The following PAN3 variants were observed in gnomAD, a reference collection of about 807,000 sequenced individuals.
PAN3 encodes the protein poly(A) specific ribonuclease subunit PAN3, also known as PAN2-PAN3 deadenylation complex subunit PAN3.
A neutral mutation model predicts 96.2 loss-of-function variants in PAN3; 19 were observed. The observed-to-expected ratio is 0.20, with a 90% CI of 0.14 to 0.29. The LOEUF is 0.29. Among genes scored for constraint, PAN3 ranks in the 10% least tolerant of loss-of-function variants. PAN3 has a pLI of 1.00. For synonymous variants in PAN3, 433 were observed against 406.6 expected, an observed-to-expected ratio of 1.06 and a Z score of -0.78; for missense variants, 882 against 1,108.1, an observed-to-expected ratio of 0.80 and a Z score of 2.90.
chr13:28,141,195 G>C (rs1009545020), intron 1 of PAN3, among the ~76,000 whole-genome samples: 4 of 151,704 alleles, frequency 2.6e-5, no homozygotes, highest in African/African-American at 9.7e-5. Flanking sequence ...AGTAGAGACG[G>C]GGTTTCGCCA....
chr13:28,159,986 A>G (rs1872703321), intron 1 of PAN3, among the ~76,000 whole-genome samples: 1 of 151,518 alleles, frequency 6.6e-6, no homozygotes, highest in African/African-American at 2.4e-5. Context: ...TCACCCAGCT[A>G]GAGTGCAGTA....
intron 6 of PAN3, among the ~76,000 whole-genome samples, chr13:28,235,682 T>TACACACACACACACACACACACACAC (rs143752644): frequency 5.7e-5 from 7 of 123,494 alleles, no homozygotes; most frequent in African/African-American, 2.1e-4. Context: ...TTCTCTAATA[T>TACACACACACACACACACACACACAC]ACACACACAC....
chr13:28,235,704 C>CAT (rs949741089), intron 6 of PAN3, among the ~76,000 whole-genome samples: 1 of 149,922 alleles, frequency 6.7e-6, no homozygotes, highest in Non-Finnish European at 1.5e-5. Context: ...CATACACACA[C>CAT]ACACACACAC....
intron 4 of PAN3, among the ~76,000 whole-genome samples, chr13:28,179,394 C>CGGAA (rs1473316991): frequency 6.6e-6 from 1 of 152,126 alleles, no homozygotes; most frequent in African/African-American, 2.4e-5. Flanking sequence ...TAGGTATTCC[C>CGGAA]TAATCACTTT....
intron 1 of PAN3, among the ~76,000 whole-genome samples, chr13:28,166,809 C>T (rs1444715061): frequency 6.6e-6 from 1 of 152,206 alleles, no homozygotes; most frequent in African/African-American, 2.4e-5. Context: ...TGAGCTGCAC[C>T]TGGCTGCACT....
intron 15 of PAN3, among the ~76,000 whole-genome samples, chr13:28,278,237 G>A (rs1887212214): frequency 6.6e-6 from 1 of 152,198 alleles, no homozygotes; most frequent in Non-Finnish European, 1.5e-5. Context: ...CCTGTTCTTT[G>A]TTACACTGGC....
intron 4 of PAN3, among the ~76,000 whole-genome samples, chr13:28,183,788 G>A (rs1247699185): frequency 1.3e-5 from 2 of 152,088 alleles, no homozygotes; most frequent in African/African-American, 4.8e-5. Context: ...AAACCTTTTT[G>A]TTTCTTCATT....
chr13:28,286,557 C>A (rs955602999), intron 17 of PAN3, among the ~76,000 whole-genome samples: 1 of 152,096 alleles, frequency 6.6e-6, no homozygotes, highest in African/African-American at 2.4e-5. Flanking sequence ...CTGTGGGCAC[C>A]CTCTTCCCAC....
At chr13:28,151,021 A>G (rs568112523) in intron 1 of PAN3, among the ~76,000 whole-genome samples, 159 of 152,320 alleles carry the variant, frequency 1.0e-3, no homozygotes, top group African/African-American at 3.6e-3. Context: ...AGAATGAAAT[A>G]GGGATATCAA....
At chr13:28,235,604 A>C (rs1375151030) in intron 6 of PAN3, among the ~76,000 whole-genome samples, 2 of 151,828 alleles carry the variant, frequency 1.3e-5, no homozygotes, top group Middle Eastern at 6.3e-3. Flanking sequence ...TCTGGTCATT[A>C]TAGTATCTCC....
At chr13:28,220,436 A>C in intron 6 of PAN3, 58 bp downstream of exon 6, 1 of 1,530,964 alleles carries the variant, frequency 6.5e-7, no homozygotes, top group East Asian at 2.3e-5. Context: ...AGCACCATTT[A>C]CTATTAATTT....
At chr13:28,156,189 A>G (rs1193999918) in intron 1 of PAN3, among the ~76,000 whole-genome samples, 2 of 122,484 alleles carry the variant, frequency 1.6e-5, no homozygotes, top group African/African-American at 2.6e-5. Flanking sequence ...CAGAAAAAAG[A>G]AGATCCAAAT....
intron 6 of PAN3, among the ~76,000 whole-genome samples, chr13:28,252,644 C>T (rs2138567096): frequency 6.6e-6 from 1 of 151,862 alleles, no homozygotes; most frequent in South Asian, 2.1e-4. Flanking sequence ...TTCAAATGCC[C>T]TAAAGCAGTT....
At chr13:28,292,256 C>T in intron 18 of PAN3, 126 bp from the exon 19 acceptor site, 4 of 938,300 alleles carry the variant, frequency 4.3e-6, no homozygotes, top group Non-Finnish European at 6.1e-6. Flanking sequence ...TATAAATGTA[C>T]TCATGGATAT....
chr13:28,235,682 TACAC>T (rs143752644), intron 6 of PAN3, among the ~76,000 whole-genome samples: 11 of 123,512 alleles, frequency 8.9e-5, no homozygotes, highest in East Asian at 4.4e-4. Flanking sequence ...TTCTCTAATA[TACAC>T]ACACACACAT....
intron 15 of PAN3, among the ~76,000 whole-genome samples, chr13:28,279,230 GAAATTTA>G (rs973283781): frequency 2.6e-5 from 4 of 152,116 alleles, no homozygotes; most frequent in African/African-American, 9.7e-5. Flanking sequence ...AATGATAGAA[GAAATTTA>G]ACTGGTTCCT....
At chr13:28,226,630 CTT>C (rs143867091) in intron 6 of PAN3, among the ~76,000 whole-genome samples, 2,977 of 152,108 alleles carry the variant, frequency 0.02, 109 homozygotes, top group African/African-American at 0.067. Flanking sequence ...TTAGGTATCT[CTT>C]AAGTACAGTG....
At chr13:28,204,756 T>A (rs1169456489) in intron 5 of PAN3, among the ~76,000 whole-genome samples, 2 of 152,244 alleles carry the variant, frequency 1.3e-5, no homozygotes, top group African/African-American at 4.8e-5. Context: ...ATATTGCAGG[T>A]TAAGATTTAC....
chr13:28,239,482 T>A (rs1883445850), intron 6 of PAN3: 2 of 548,398 alleles, frequency 3.6e-6, no homozygotes, highest in Non-Finnish European at 2.8e-6. Flanking sequence ...GAAGTTGAAC[T>A]ATTTTTTTGG....
Sources: allele counts gnomAD v4.1 joint callset (sites outside exome capture counted in the v4.1 genomes callset), GRCh38; gene constraint gnomAD v4.1.1; transcripts MANE v1.5; gene names NCBI Gene and HGNC (gene_info 2026-07-23, HGNC 2026-07-21).